The following FBXL14 variants were observed in gnomAD, a reference collection of about 807,000 sequenced individuals.
The protein encoded by FBXL14 is F-box and leucine rich repeat protein 14.
A neutral mutation model predicts 24.5 loss-of-function variants in FBXL14; 11 were observed. The ratio of observed to expected loss-of-function variants is 0.45; its 90% CI spans 0.28 to 0.74. FBXL14 has a LOEUF of 0.74. Ranked by LOEUF, FBXL14 falls within the 30% of genes least tolerant of loss-of-function variation. The pLI, the probability that FBXL14 is intolerant of heterozygous loss-of-function variation, is 0.12. For synonymous variants in FBXL14, 294 were observed against 240.4 expected, an observed-to-expected ratio of 1.22 and a Z score of -2.06; for missense variants, 384 against 545.6, an observed-to-expected ratio of 0.70 and a Z score of 2.95.
Position 1,593,894 on chromosome 12 carries a change from T to G in FBXL14, c.173A>C (p.Asn58Thr), listed in dbSNP as rs2154438467. The G allele has an allele frequency of 6.2e-7, 1 of 1,605,768 alleles. No individual in the cohort carries two copies. ...VEAKLHLRRA[N>T]PSLFPSLQAR... Reference sequence around the variant, plus strand: ...CTGCAGGCTGGGGAACAGCGACGGGTTGGCCCGGCGCAGGTGCAGCTTGGC... The same window carrying G: ...CTGCAGGCTGGGGAACAGCGACGGGGTGGCCCGGCGCAGGTGCAGCTTGGC... The change falls in exon 1 of 2, where the codon AAC becomes ACC. Residue 58 changes from asparagine to threonine, a missense_variant. Asn to Thr is a moderately conservative substitution (Grantham distance 65). Coordinates refer to ENST00000339235, the MANE Select transcript of FBXL14 (RefSeq NM_152441.3). The surrounding 1 kb of genome is among the most constrained non-coding windows in gnomAD (Gnocchi z 7.4).
chr12:1,589,703 G>A (rs1193295129), intron 1 of FBXL14, among the ~76,000 whole-genome samples: 1 of 152,218 alleles, frequency 6.6e-6, no homozygotes, highest in Non-Finnish European at 1.5e-5. Flanking sequence ...CAAAAAGGTT[G>A]AGAGATGAGC....
rs1387704343 is a variant in FBXL14 at position 1,566,175 on chromosome 12, C to A, written c.*573G>T. On this transcript the variant is annotated 3_prime_UTR_variant, in exon 2 of 2. Coordinates refer to ENST00000339235, the MANE Select transcript of FBXL14 (RefSeq NM_152441.3). ...GATTGAAATTGTTTCAGGGCAGGAA[C>A]AGGGAATGAAATACGTAGACATTCC... The A allele has an allele frequency of 6.6e-6, 1 of 152,580 alleles. No individual in the cohort carries two copies. Among genetic ancestry groups the A allele is most frequent in the African/African-American group, 2.4e-5 (1 of 41,432 alleles). The allele number at this position is 152,580 out of a possible 1,614,324, so 9.5% of individuals were successfully genotyped here. A position where few individuals can be genotyped will look rare whatever the true frequency, so the allele number is the denominator to read the frequency against.
rs2286295 is a variant in FBXL14 at position 1,587,036 on chromosome 12, G to A, written c.1194+5837C>T. ...GCGGATCACTTGAGGTCGGGAGTTTGAGACCAGCCTGACCAACATGGAGAA... is the reference window on the plus strand; with the variant it reads ...GCGGATCACTTGAGGTCGGGAGTTTAAGACCAGCCTGACCAACATGGAGAA... On this transcript the variant is annotated intron_variant, in intron 1 of 1. Transcript: ENST00000339235. Among the ~76,000 whole-genome samples the A allele has an allele frequency of 3.3e-4, 50 of 152,234 alleles. No individual in the cohort carries two copies. The East Asian group carries it at 7.3e-3, about 22-fold the overall frequency.
chr12:1,592,855 C>T lies in FBXL14; in HGVS notation c.1194+18G>A. The T allele has an allele frequency of 6.5e-7, 1 of 1,544,450 alleles. No individual in the cohort carries two copies. Among genetic ancestry groups the T allele is most frequent in the Non-Finnish European group, 8.8e-7 (1 of 1,141,932 alleles). ...CAGGGCGGGACAAGGGGAGCTGGTG[C>T]TGCCGCCCTCACCTGACCTTCTCAC... On this transcript the variant is annotated intron_variant, in intron 1 of 1. Transcript: ENST00000339235.
intron 1 of FBXL14, among the ~76,000 whole-genome samples, chr12:1,590,353 G>A (rs2094486689): frequency 6.6e-6 from 1 of 152,122 alleles, no homozygotes; most frequent in African/African-American, 2.4e-5. Context: ...AGAGAAACCT[G>A]GGTTCCAGCC....
chr12:1,591,606 C>G (rs1216782631), intron 1 of FBXL14, among the ~76,000 whole-genome samples: 2 of 152,176 alleles, frequency 1.3e-5, no homozygotes, highest in African/African-American at 4.8e-5. Context: ...GAAGTGATTT[C>G]TTTAAAGCCA....
At chr12:1,575,052 C>A (rs1316013834) in intron 1 of FBXL14, among the ~76,000 whole-genome samples, 1 of 152,116 alleles carries the variant, frequency 6.6e-6, no homozygotes, top group African/African-American at 2.4e-5. Context: ...TGAAAAATAT[C>A]TCTGCTTGTC....
chr12:1,593,368 G>A lies in FBXL14; in HGVS notation c.699C>T (p.Leu233=). 2 of 1,613,984 alleles carry A rather than the reference G, an allele frequency of 1.2e-6. No individual in the cohort carries two copies. The highest frequency in any genetic ancestry group is 1.7e-6 in the Non-Finnish European group (2 of 1,180,032). The stretch of plus-strand genomic sequence containing the variant: ...AGATTCCCCCACAGAAGCTGAGGTT[G>A]AGGAGCCTCAGGCCCGTCAGCCCTC... ...ISRGLTGLRL[L]NLSFCGGISD... is the part of the protein sequence containing the mutation. Residue 233 remains leucine (L), a synonymous_variant, in exon 1 of 2, where the codon CTC becomes CTT. Coordinates refer to ENST00000339235, the MANE Select transcript of FBXL14 (RefSeq NM_152441.3). This position sits in a 1 kb window ranked among gnomAD's most constrained non-coding sequence, Gnocchi z 7.4.
chr12:1,573,832 T>C (rs752480680), intron 1 of FBXL14, among the ~76,000 whole-genome samples: 4 of 152,082 alleles, frequency 2.6e-5, no homozygotes, highest in African/African-American at 7.2e-5. Context: ...TGGAGAAACC[T>C]TGTCTCTACT....
At chr12:1,581,941 A>G (rs953731841) in intron 1 of FBXL14, among the ~76,000 whole-genome samples, 7 of 152,200 alleles carry the variant, frequency 4.6e-5, no homozygotes, top group African/African-American at 7.2e-5. Context: ...CCTGGCCAAC[A>G]TGGCAAAACC....
intron 1 of FBXL14, among the ~76,000 whole-genome samples, chr12:1,568,792 T>G (rs1394684671): frequency 2.6e-5 from 4 of 151,628 alleles, no homozygotes; most frequent in Non-Finnish European, 4.4e-5. Context: ...ACCCAGGAGG[T>G]GGAGGTTGCA....
chr12:1,589,970 C>A (rs1448873579), intron 1 of FBXL14, among the ~76,000 whole-genome samples: 1 of 152,154 alleles, frequency 6.6e-6, no homozygotes, highest in Non-Finnish European at 1.5e-5. Context: ...GAATACAGAG[C>A]CTAAGACTTG....
chr12:1,583,500 C>A (rs928962299), intron 1 of FBXL14, among the ~76,000 whole-genome samples: 8 of 152,152 alleles, frequency 5.3e-5, no homozygotes, highest in Admixed American at 1.3e-4. Context: ...AATTCAATTT[C>A]ATCTTTTCCA....
chr12:1,574,123 T>C (rs1467152289), intron 1 of FBXL14, among the ~76,000 whole-genome samples: 2 of 152,066 alleles, frequency 1.3e-5, no homozygotes, highest in Non-Finnish European at 2.9e-5. Flanking sequence ...TTGGGACCAC[T>C]GTAATGGGGT....
At chr12:1,583,635 T>G (rs1316231041) in intron 1 of FBXL14, among the ~76,000 whole-genome samples, 1 of 152,172 alleles carries the variant, frequency 6.6e-6, no homozygotes, top group Non-Finnish European at 1.5e-5. Context: ...CCTTGGGAAA[T>G]AGCTTCCAAC....
chr12:1,587,258 A>C (rs1044785973), intron 1 of FBXL14: 2 of 152,098 alleles, frequency 1.3e-5, no homozygotes, highest in African/African-American at 2.4e-5. Context: ...AAAAAAAAAA[A>C]AAAAAATTGA....
chr12:1,568,012 A>G (rs1168011803), intron 1 of FBXL14, among the ~76,000 whole-genome samples: 2 of 152,272 alleles, frequency 1.3e-5, no homozygotes, highest in African/African-American at 4.8e-5. Flanking sequence ...TGAAATGGTA[A>G]TGACAGATTT....
rs1167364936 is a variant in FBXL14 at position 1,566,534 on chromosome 12, G to C, written c.*214C>G. On this transcript the variant is annotated 3_prime_UTR_variant, in exon 2 of 2. Transcript: ENST00000339235. ...CTCCTTGGATCCATAAAGGAAGCGA[G>C]GTCTCAGAGCAAACCACTGTCCCCA... 3.9e-5 allele frequency: 18 copies of C among 456,942 alleles called. No individual in the cohort carries two copies. Among genetic ancestry groups the C allele is most frequent in the Non-Finnish European group, 6.6e-5 (17 of 257,830 alleles). The allele number at this position is 456,942 out of a possible 1,614,324, so 28.3% of individuals were successfully genotyped here.
At chr12:1,591,360 TTTTC>T (rs1260169633) in intron 1 of FBXL14, among the ~76,000 whole-genome samples, 1 of 151,466 alleles carries the variant, frequency 6.6e-6, no homozygotes, top group African/African-American at 2.4e-5. Context: ...TTTTTTTTTT[TTTTC>T]AAAAACATAC....
Sources: allele counts gnomAD v4.1 joint callset (sites outside exome capture counted in the v4.1 genomes callset), GRCh38; gene constraint gnomAD v4.1.1; non-coding constraint Gnocchi (gnomAD v3.1); transcripts MANE v1.5; gene names NCBI Gene and HGNC (gene_info 2026-07-23, HGNC 2026-07-21).